Variants in CCDC85C observed in about 807,000 individuals in gnomAD.
CCDC85C encodes the protein coiled-coil domain containing 85C.
Under a neutral mutation model 38.3 loss-of-function variants are expected in CCDC85C, and 18 were observed. The ratio of observed to expected loss-of-function variants is 0.47; its 90% CI spans 0.33 to 0.70. The LOEUF (loss-of-function observed/expected upper bound fraction) is 0.70. Ranked by LOEUF, CCDC85C falls within the 30% of genes least tolerant of loss-of-function variation. CCDC85C has a pLI of 0.03. For synonymous variants in CCDC85C, 264 were observed against 293.8 expected (o/e 0.90, Z 1.04); for missense variants, 566 against 621.2 (o/e 0.91, Z 0.94).
In CCDC85C at chr14:99,603,365, C is replaced by G; in HGVS notation, c.595G>C (p.Ala199Pro). Reference sequence around the variant, plus strand: ...CTGCTGCCGTCGCCCACGTCGCGGGCCCCCGCGCCGGGCGCGCCACCCGAC... The same window carrying G: ...CTGCTGCCGTCGCCCACGTCGCGGGGCCCCGCGCCGGGCGCGCCACCCGAC... The part of the protein sequence containing the change: ...PLSGGAPGAG[A>P]RDVGDGSSTS... Residue 199 changes from alanine (A) to proline (P), a missense_variant, in exon 1 of 6, where the codon GCC (alanine) becomes CCC (proline). Around this residue, in one of 3 missense-constraint regions of CCDC85C, gnomAD observed 269 missense variants for 308.2 expected, o/e 0.87. Transcript: ENST00000380243. This position sits in a 1 kb window ranked among gnomAD's most constrained non-coding sequence, Gnocchi z 7.5. The G allele has an allele frequency of 3.2e-6, 4 of 1,260,950 alleles. No homozygotes were observed. The highest frequency in any genetic ancestry group is 4.0e-6 in the Non-Finnish European group (4 of 1,005,596). 78.1% of individuals were successfully genotyped at this position (1,260,950 alleles called of 1,614,324 possible).
chr14:99,568,859 T>C (rs888040485), intron 1 of CCDC85C, among the ~76,000 whole-genome samples: 2 of 152,366 alleles, frequency 1.3e-5, no homozygotes, highest in African/African-American at 2.4e-5. Flanking sequence ...AGAGTCAGCA[T>C]GTCACAGACA....
Position 99,514,994 on chromosome 14 carries a change from C to T in CCDC85C, c.*252G>A, listed in dbSNP as rs1471884592. On this transcript the variant is annotated 3_prime_UTR_variant, in exon 6 of 6. Coordinates refer to ENST00000380243, the MANE Select transcript of CCDC85C (RefSeq NM_001144995.2). ...GGGCCCAGAGGGGGAATGAGGCGTC[C>T]GGGCCGCTCTGCTGCAGGAACAGTC... The T allele has an allele frequency of 7.3e-6, 3 of 412,098 alleles. No homozygotes were observed. The highest frequency in any genetic ancestry group is 2.0e-5 in the African/African-American group (1 of 49,660). 25.5% of individuals were successfully genotyped at this position (412,098 alleles called of 1,614,324 possible).
chr14:99,515,413 A>T, intron 5 of CCDC85C, 78 bp from the exon 6 acceptor site: 1 of 1,072,408 alleles, frequency 9.3e-7, no homozygotes. Context: ...CCGCCTCATC[A>T]CGGCAGAATC....
At position 99,572,623 on chromosome 14, in the gene CCDC85C, G is replaced by T. The variant is rs1898376181; in HGVS notation, c.793+30544C>A. Reference sequence around the variant, plus strand: ...TGTCCTTTGCTGGAAACCTTCCAGGGACGACAGCTGCTTATCATCCAAGCC... The same window carrying T: ...TGTCCTTTGCTGGAAACCTTCCAGGTACGACAGCTGCTTATCATCCAAGCC... On this transcript the variant is annotated intron_variant, in intron 1 of 5. Coordinates refer to ENST00000380243, the MANE Select transcript of CCDC85C (RefSeq NM_001144995.2). The surrounding 1 kb of genome is among the most constrained non-coding windows in gnomAD (Gnocchi z 4.4). The T allele has an allele frequency of 2.2e-6, 1 of 453,484 alleles. No homozygotes were observed. Among genetic ancestry groups the T allele is most frequent in the Admixed American group, 2.4e-5 (1 of 42,464 alleles). The allele number at this position is 453,484 out of a possible 1,614,324, so 28.1% of individuals were successfully genotyped here.
Position 99,513,105 on chromosome 14 carries a change from C to T in CCDC85C, c.*2141G>A, listed in dbSNP as rs936876164. ...CTGCAGCATTAAAGACAGGGTCAGT[C>T]CCCTTGAGGGGAAAGGTGGCTTCAA... On this transcript the variant is annotated 3_prime_UTR_variant, in exon 6 of 6. Coordinates refer to ENST00000380243, the MANE Select transcript of CCDC85C (RefSeq NM_001144995.2). 2.0e-5 allele frequency: 3 copies of T among 152,248 alleles called. No homozygotes were observed. The highest frequency in any genetic ancestry group is 7.2e-5 in the African/African-American group (3 of 41,458). The allele number at this position is 152,248 out of a possible 1,614,324, so 9.4% of individuals were successfully genotyped here. A position where few individuals can be genotyped will look rare whatever the true frequency, so the allele number is the denominator to read the frequency against.
In CCDC85C at chr14:99,516,985, C is replaced by T; in HGVS notation, c.1071+103G>A. On this transcript the variant is annotated intron_variant, in intron 4 of 5. Transcript: ENST00000380243. The surrounding 1 kb of genome is among the most constrained non-coding windows in gnomAD (Gnocchi z 5.5). ...CCAGCCACCCACACACAGATGAAAC[C>T]TCCCACCCCTGCCACTTGGATACCC... 2 of 1,119,458 alleles carry T rather than the reference C, an allele frequency of 1.8e-6. No homozygotes were observed. Among genetic ancestry groups the T allele is most frequent in the Non-Finnish European group, 1.3e-6 (1 of 754,952 alleles). 69.3% of individuals were successfully genotyped at this position (1,119,458 alleles called of 1,614,324 possible).
Position 99,501,119 on chromosome 14 carries a change from G to A in CCDC85C, c.*14127C>T, listed in dbSNP as rs1896813874. The A allele has an allele frequency of 1.2e-5, 7 of 600,130 alleles. No individual in the cohort carries two copies. In the East Asian group the frequency reaches 2.0e-4, roughly 17 times the overall value. 37.2% of individuals were successfully genotyped at this position (600,130 alleles called of 1,614,324 possible). On this transcript the variant is annotated 3_prime_UTR_variant, in exon 6 of 6. Transcript: ENST00000380243. ...GAAAATGAGGCAGAATTTTTTAAAT[G>A]GACTAATAAACTTAGCCTTGGAGCC...
At position 99,516,403 on chromosome 14, in the gene CCDC85C, C is replaced by T. The variant is rs753971811; in HGVS notation, c.1072-117G>A. On this transcript the variant is annotated intron_variant, in intron 4 of 5. Coordinates refer to ENST00000380243, the MANE Select transcript of CCDC85C (RefSeq NM_001144995.2). This position sits in a 1 kb window ranked among gnomAD's most constrained non-coding sequence, Gnocchi z 5.5. ...CGAACCAAAGCTGAGGACCCTGAGC[C>T]GCTGGGCCCCTGGGGACAAGCGTGG... is the stretch of plus-strand genomic sequence containing the variant. 3 of 718,692 alleles carry T rather than the reference C, an allele frequency of 4.2e-6. No homozygotes were observed. Among genetic ancestry groups the T allele is most frequent in the South Asian group, 1.7e-5 (1 of 59,544 alleles). The allele number at this position is 718,692 out of a possible 1,614,324, so 44.5% of individuals were successfully genotyped here.
intron 1 of CCDC85C, among the ~76,000 whole-genome samples, chr14:99,581,125 G>A (rs771598980): frequency 6.6e-6 from 1 of 152,144 alleles, no homozygotes; most frequent in African/African-American, 2.4e-5. Flanking sequence ...AAGCAAAGAG[G>A]AGGAGTGGGA....
At position 99,502,270 on chromosome 14, in the gene CCDC85C, C is replaced by T. The variant is rs367635109; in HGVS notation, c.*12976G>A. 5.0e-6 allele frequency: 8 copies of T among 1,608,436 alleles called. No individual in the cohort carries two copies. The highest frequency in any genetic ancestry group is 3.4e-5 in the Admixed American group (2 of 59,252). ...TCATAGCAGTAGCAGTGATGTATCT[C>T]GCAGGACGTTTGTGCAAATTTGAAA... On this transcript the variant is annotated 3_prime_UTR_variant, in exon 6 of 6. Transcript: ENST00000380243.
chr14:99,522,559 G>A (rs1435393638), intron 2 of CCDC85C: 2 of 222,756 alleles, frequency 9.0e-6, no homozygotes, highest in South Asian at 1.4e-4. Flanking sequence ...CTCCCACCCC[G>A]TGACTCACCC....
At chr14:99,578,948 T>A (rs2054934695) in intron 1 of CCDC85C, among the ~76,000 whole-genome samples, 1 of 152,162 alleles carries the variant, frequency 6.6e-6, no homozygotes, top group Admixed American at 6.5e-5. Context: ...CCCACCTCCA[T>A]CCACAAGCCC....
intron 2 of CCDC85C, chr14:99,522,847 G>GAGGA (rs2139901834): frequency 6.6e-6 from 1 of 152,442 alleles, no homozygotes; most frequent in East Asian, 1.9e-4. Context: ...AGGAGGGAGG[G>GAGGA]AGGAAGGCTT....
intron 1 of CCDC85C, among the ~76,000 whole-genome samples, chr14:99,580,918 GA>G (rs1429046272): frequency 6.6e-6 from 1 of 152,154 alleles, no homozygotes; most frequent in Non-Finnish European, 1.5e-5. Context: ...CATGGGAGAG[GA>G]ATGTGGCAAA....
At chr14:99,582,265 G>A (rs146109579) in intron 1 of CCDC85C, among the ~76,000 whole-genome samples, 28 of 152,266 alleles carry the variant, frequency 1.8e-4, no homozygotes, top group African/African-American at 5.5e-4. Flanking sequence ...CGACCACCCT[G>A]AGGTCCCCAG....
Position 99,516,805 on chromosome 14 carries a change from C to G in CCDC85C, c.1071+283G>C, listed in dbSNP as rs1485218856. On this transcript the variant is annotated intron_variant, in intron 4 of 5. Coordinates refer to ENST00000380243, the MANE Select transcript of CCDC85C (RefSeq NM_001144995.2). The surrounding 1 kb of genome is among the most constrained non-coding windows in gnomAD (Gnocchi z 5.5). ...GAGGTTAGTTCTAGCCCCACTCCTG[C>G]CCCTCTCTCTCTGGCCTTAGTTGGG... 6.6e-6 allele frequency among the ~76,000 whole-genome samples: 1 copy of G among 152,114 alleles called. No individual in the cohort carries two copies. Among genetic ancestry groups the G allele is most frequent in the East Asian group, 1.9e-4 (1 of 5,190 alleles).
intron 2 of CCDC85C, among the ~76,000 whole-genome samples, chr14:99,531,166 G>A (rs1257555261): frequency 6.6e-6 from 1 of 152,110 alleles, no homozygotes; most frequent in African/African-American, 2.4e-5. Context: ...GGGAGAGGAG[G>A]AGGGTGGGCT....
At position 99,586,304 on chromosome 14, in the gene CCDC85C, C is replaced by T. The variant is rs143846560; in HGVS notation, c.793+16863G>A. ...GTCTGGGGAGTGGGGACGTGGCCAT[C>T]AGCAGGCACCAGAGGCACAATCCCC... On this transcript the variant is annotated intron_variant, in intron 1 of 5. Coordinates refer to ENST00000380243, the MANE Select transcript of CCDC85C (RefSeq NM_001144995.2). Among the ~76,000 whole-genome samples, 15 of 152,342 alleles carry T rather than the reference C, an allele frequency of 9.8e-5. No homozygotes were observed. In the East Asian group the frequency reaches 2.9e-3, roughly 29 times the overall value.
intron 3 of CCDC85C, among the ~76,000 whole-genome samples, chr14:99,521,520 G>A (rs1007836333): frequency 5.9e-5 from 9 of 152,168 alleles, no homozygotes; most frequent in South Asian, 4.1e-4. Flanking sequence ...GAGAACAGCC[G>A]ATGCTTCCCA....
Sources: gnomAD v4.1 joint callset for allele counts (sites outside exome capture counted in the v4.1 genomes callset) on GRCh38, gnomAD v4.1.1 for gene constraint, gnomAD v4.1.1 regional missense constraint, Gnocchi (gnomAD v3.1) non-coding constraint, MANE v1.5 for transcripts, NCBI Gene and HGNC (gene_info 2026-07-23, HGNC 2026-07-21) for gene names.